Variants in ZBTB20 observed in about 807,000 individuals in gnomAD.
The protein encoded by ZBTB20 is zinc finger and BTB domain-containing protein 20.
A neutral mutation model predicts 56.9 loss-of-function variants in ZBTB20; 9 were observed. The ratio of observed to expected loss-of-function variants is 0.16; its 90% confidence interval spans 0.10 to 0.28. ZBTB20 has a LOEUF of 0.28. Among genes scored for constraint, ZBTB20 ranks in the 10% least tolerant of loss-of-function variants. The pLI, the probability that ZBTB20 is intolerant of heterozygous loss-of-function variation, is 1.00. For missense variants in ZBTB20, 655 were observed against 1,003.0 expected (o/e 0.65, Z 4.69); for synonymous variants, 417 against 420.7 (o/e 0.99, Z 0.11).
At chr3:115,019,994 A>C (rs550944816) in intron 2 of ZBTB20, among the ~76,000 whole-genome samples, 2 of 151,360 alleles carry the variant, frequency 1.3e-5, no homozygotes, top group South Asian at 2.1e-4. Context: ...AGCTAACAGA[A>C]AAGGATTTTT....
chr3:115,027,650 C>A (rs1056882479), intron 2 of ZBTB20: 2 of 150,752 alleles, frequency 1.3e-5, no homozygotes, highest in Admixed American at 1.3e-4. Context: ...TTAATCAAGT[C>A]ATATGGAAGA....
intron 3 of ZBTB20, among the ~76,000 whole-genome samples, chr3:114,927,638 T>C (rs1396815291): frequency 5.9e-5 from 9 of 152,192 alleles, no homozygotes; most frequent in Admixed American, 1.3e-4. Flanking sequence ...ATCTCAAAGA[T>C]TGAAGAACTC....
chr3:114,344,364 G>A (rs906237322), intron 11 of ZBTB20, among the ~76,000 whole-genome samples: 4 of 152,168 alleles, frequency 2.6e-5, no homozygotes, highest in African/African-American at 9.7e-5. Context: ...ACATCTTGAA[G>A]GTCATCTAAG....
At chr3:114,916,353 T>C (rs931997289) in intron 3 of ZBTB20, among the ~76,000 whole-genome samples, 2 of 152,098 alleles carry the variant, frequency 1.3e-5, no homozygotes, top group African/African-American at 2.4e-5. Context: ...CTGTATTGTA[T>C]GATATCAGTA....
At chr3:114,360,166 C>A (rs1012460383) in intron 10 of ZBTB20, among the ~76,000 whole-genome samples, 6 of 151,366 alleles carry the variant, frequency 4.0e-5, no homozygotes, top group Non-Finnish European at 8.8e-5. Flanking sequence ...ATAGAACTTC[C>A]TTTAGTCCTC....
rs147827243 is a variant in ZBTB20, at chr3:114,570,468, A to T, written c.-294-70077T>A. Among the ~76,000 whole-genome samples, 579 of 151,824 alleles carry T rather than the reference A, an allele frequency of 3.8e-3. 3 individuals carry two copies. Among genetic ancestry groups the T allele is most frequent in the African/African-American group, 0.013 (539 of 41,480 alleles). On this transcript the variant is annotated intron_variant, in intron 6 of 11. Coordinates refer to ENST00000675478, the MANE Select transcript of ZBTB20 (RefSeq NM_001348800.3). ...ATTAAATTCAATATATTATTAAAGC[A>T]ACTCTGCTAGATAGATATTATTACT... is the stretch of plus-strand genomic sequence containing the variant.
intron 3 of ZBTB20, among the ~76,000 whole-genome samples, chr3:114,941,186 T>C (rs1409189132): frequency 6.8e-6 from 1 of 146,264 alleles, no homozygotes; most frequent in Non-Finnish European, 1.5e-5. Context: ...CTAATAATGA[T>C]GGGGATAACA....
chr3:114,832,232 T>A (rs1334568935), intron 4 of ZBTB20, among the ~76,000 whole-genome samples: 1 of 152,116 alleles, frequency 6.6e-6, no homozygotes, highest in Non-Finnish European at 1.5e-5. Context: ...GCTCTTTGGA[T>A]AAACTCAAAT....
At chr3:114,539,903 CTT>C (rs11288043) in intron 6 of ZBTB20, among the ~76,000 whole-genome samples, 113 of 143,492 alleles carry the variant, frequency 7.9e-4, no homozygotes, top group Middle Eastern at 3.6e-3. Flanking sequence ...TTCAACCCAC[CTT>C]TTTTTTTTTT....
At chr3:114,950,845 G>A (rs1007381011) in intron 3 of ZBTB20, among the ~76,000 whole-genome samples, 3 of 151,798 alleles carry the variant, frequency 2.0e-5, no homozygotes, top group Non-Finnish European at 4.4e-5. Context: ...ATATTATAAA[G>A]CAATAAAATA....
intron 2 of ZBTB20, among the ~76,000 whole-genome samples, chr3:115,013,109 A>C (rs1178179611): frequency 6.6e-6 from 1 of 151,760 alleles, no homozygotes; most frequent in East Asian, 1.9e-4. Flanking sequence ...CTTACATGAA[A>C]AAATAGAAAA....
chr3:114,957,863 T>C (rs1488469780), intron 3 of ZBTB20, among the ~76,000 whole-genome samples: 1 of 152,228 alleles, frequency 6.6e-6, no homozygotes, highest in Non-Finnish European at 1.5e-5. Flanking sequence ...CTTTGATAGC[T>C]CTTATCTGGG....
At chr3:114,469,951 C>A (rs771573056) in intron 7 of ZBTB20, among the ~76,000 whole-genome samples, 1 of 151,940 alleles carries the variant, frequency 6.6e-6, no homozygotes, top group African/African-American at 2.4e-5. Context: ...GCATATGGAA[C>A]GAAGGTCAAA....
intron 2 of ZBTB20, among the ~76,000 whole-genome samples, chr3:115,028,457 T>C (rs900250176): frequency 6.6e-6 from 1 of 150,762 alleles, no homozygotes; most frequent in Non-Finnish European, 1.5e-5. Flanking sequence ...GGCTATATTG[T>C]TTTAAATAAA....
intron 10 of ZBTB20, among the ~76,000 whole-genome samples, chr3:114,360,508 A>G (rs1481755719): frequency 6.7e-6 from 1 of 149,224 alleles, no homozygotes; most frequent in African/African-American, 2.5e-5. Context: ...AAACTCGGCT[A>G]ATTTTTTTTT....
At chr3:114,875,840 G>A (rs1158435972) in intron 4 of ZBTB20, among the ~76,000 whole-genome samples, 2 of 152,168 alleles carry the variant, frequency 1.3e-5, no homozygotes, top group African/African-American at 4.8e-5. Flanking sequence ...TTTGTGAACT[G>A]CAAGACACTT....
chr3:114,484,957 A>G (rs1371862938), intron 7 of ZBTB20, among the ~76,000 whole-genome samples: 1 of 152,184 alleles, frequency 6.6e-6, no homozygotes. Flanking sequence ...TCAGGTCTTA[A>G]AAGGAACTTT....
intron 6 of ZBTB20, among the ~76,000 whole-genome samples, chr3:114,647,978 T>C (rs16823078): frequency 0.097 from 14,684 of 152,100 alleles, 1,491 homozygotes; most frequent in African/African-American, 0.23. Context: ...ACATAAAACT[T>C]TTCTAGATTA....
intron 4 of ZBTB20, among the ~76,000 whole-genome samples, chr3:114,852,482 T>C (rs915707891): frequency 2.0e-5 from 3 of 152,006 alleles, no homozygotes; most frequent in African/African-American, 7.2e-5. Flanking sequence ...CAGGCTGGTC[T>C]CAAACTCCCG....
Sources: gnomAD v4.1 joint callset for allele counts (sites outside exome capture counted in the v4.1 genomes callset) on GRCh38, gnomAD v4.1.1 for gene constraint, MANE v1.5 for transcripts, NCBI Gene and HGNC (gene_info 2026-07-23, HGNC 2026-07-21) for gene names.